Variants in PRKCB observed in about 807,000 individuals in gnomAD.
The protein encoded by PRKCB is protein kinase C beta.
A neutral mutation model predicts 81.5 loss-of-function variants in PRKCB; 13 were observed. The ratio of observed to expected loss-of-function variants is 0.16; its 90% CI spans 0.10 to 0.25. The LOEUF (loss-of-function observed/expected upper bound fraction) is 0.25, where lower values mean the gene tolerates loss of function less well. Among genes scored for constraint, PRKCB ranks in the 10% least tolerant of loss-of-function variants. The probability of loss-of-function intolerance (pLI) is 1.00; values close to 1 mark genes in which losing one functional copy is unlikely to be tolerated. For synonymous variants in PRKCB, 335 were observed against 321.4 expected, an observed-to-expected ratio of 1.04 and a Z score of -0.45; for missense variants, 509 against 875.7, an observed-to-expected ratio of 0.58 and a Z score of 5.29.
chr16:24,084,658 C>T (rs1026403643), intron 5 of PRKCB, among the ~76,000 whole-genome samples: 4 of 151,910 alleles, frequency 2.6e-5, no homozygotes, highest in Admixed American at 6.6e-5. Flanking sequence ...TCCAAAATGC[C>T]CCCAGAAATT....
intron 2 of PRKCB, among the ~76,000 whole-genome samples, chr16:23,882,116 G>A (rs1028472447): frequency 6.1e-5 from 8 of 131,352 alleles, no homozygotes; most frequent in African/African-American, 1.7e-4. Flanking sequence ...CCTGTTTCTC[G>A]CAGGCCAGGC....
Position 24,218,944 on chromosome 16 carries a change from G to C in PRKCB, c.*4128G>C, listed in dbSNP as rs3087957. The C allele has an allele frequency of 0.16, 158,010 of 985,266 alleles. 12,952 individuals carry two copies. The highest frequency in any genetic ancestry group is 0.17 in the Non-Finnish European group (139,563 of 829,940). The allele number at this position is 985,266 out of a possible 1,614,324, so 61.0% of individuals were successfully genotyped here. A position where few individuals can be genotyped will look rare whatever the true frequency, so the allele number is the denominator to read the frequency against. On this transcript the variant is annotated 3_prime_UTR_variant, in exon 17 of 17. Coordinates refer to ENST00000643927, the MANE Select transcript of PRKCB (RefSeq NM_002738.7). ...AATCAGGAACCCACTGAAATCTTGG[G>C]CAAGCCACCCTGCCTGCTTGTGCCT...
At chr16:23,912,042 C>A (rs1052720218) in intron 2 of PRKCB, among the ~76,000 whole-genome samples, 6 of 151,338 alleles carry the variant, frequency 4.0e-5, no homozygotes, top group Non-Finnish European at 8.9e-5. Context: ...ATGTTAGCCA[C>A]GCTAGTCTCG....
chr16:23,855,021 C>T (rs928569122), intron 2 of PRKCB, among the ~76,000 whole-genome samples: 1 of 152,154 alleles, frequency 6.6e-6, no homozygotes, highest in Non-Finnish European at 1.5e-5. Context: ...ATACTACCAC[C>T]ATGACTACTG....
At chr16:23,871,778 A>G (rs1446719309) in intron 2 of PRKCB, among the ~76,000 whole-genome samples, 1 of 149,998 alleles carries the variant, frequency 6.7e-6, no homozygotes, top group Non-Finnish European at 1.5e-5. Flanking sequence ...GGGTTTCATC[A>G]TGTTGGTCTG....
intron 9 of PRKCB, among the ~76,000 whole-genome samples, chr16:24,130,312 G>A (rs1318438574): frequency 6.6e-6 from 1 of 152,140 alleles, no homozygotes; most frequent in Non-Finnish European, 1.5e-5. Context: ...TATGTTCCAT[G>A]GGCACCTGCG....
chr16:23,902,402 G>A (rs1963487494), intron 2 of PRKCB, among the ~76,000 whole-genome samples: 1 of 152,026 alleles, frequency 6.6e-6, no homozygotes, highest in Non-Finnish European at 1.5e-5. Context: ...CAACTGTGAT[G>A]CCTTTGCCCC....
intron 16 of PRKCB, among the ~76,000 whole-genome samples, chr16:24,205,029 A>C (rs1332888481): frequency 1.3e-5 from 2 of 151,820 alleles, no homozygotes; most frequent in African/African-American, 2.4e-5. Flanking sequence ...CTGAGGCAGG[A>C]GAATCGCTTG....
intron 5 of PRKCB, 114 bp downstream of exon 5, chr16:24,035,661 A>C: frequency 1.1e-5 from 10 of 933,412 alleles, no homozygotes; most frequent in South Asian, 3.8e-5. Context: ...CAGTCCAGGG[A>C]CGGGGAGGGG....
intron 2 of PRKCB, among the ~76,000 whole-genome samples, chr16:23,839,631 G>A (rs1275241359): frequency 1.3e-5 from 2 of 151,672 alleles, no homozygotes; most frequent in South Asian, 2.1e-4. Context: ...CCACCAAGAG[G>A]CAGCGTAGAG....
intron 13 of PRKCB, among the ~76,000 whole-genome samples, chr16:24,183,545 C>A (rs891935529): frequency 2.0e-5 from 3 of 152,196 alleles, no homozygotes; most frequent in Admixed American, 6.5e-5. Flanking sequence ...AACAAACATT[C>A]ACTTTATAGC....
At chr16:24,038,086 G>A (rs1965646031) in intron 5 of PRKCB, among the ~76,000 whole-genome samples, 1 of 152,120 alleles carries the variant, frequency 6.6e-6, no homozygotes, top group Admixed American at 6.5e-5. Context: ...GGAGGCTGAG[G>A]CAGGAGGATC....
chr16:24,117,469 A>T (rs991747222), intron 8 of PRKCB, among the ~76,000 whole-genome samples: 18 of 152,198 alleles, frequency 1.2e-4, no homozygotes, highest in Non-Finnish European at 2.1e-4. Flanking sequence ...TGTGCCATTT[A>T]TGATTCTAAG....
intron 10 of PRKCB, among the ~76,000 whole-genome samples, chr16:24,157,638 G>A (rs544829517): frequency 2.6e-4 from 39 of 150,290 alleles, no homozygotes; most frequent in African/African-American, 9.1e-4. Context: ...TAATACACAT[G>A]GGAATGAAGG....
intron 3 of PRKCB, among the ~76,000 whole-genome samples, chr16:24,017,903 T>C (rs963998620): frequency 6.2e-5 from 9 of 146,184 alleles, no homozygotes; most frequent in African/African-American, 2.3e-4. Context: ...TTTTTTTTTT[T>C]TTTTTTTTTT....
rs28535174 is a variant in PRKCB at position 24,114,991 on chromosome 16, A to G, written c.918+1922A>G. 3.5e-3 allele frequency among the ~76,000 whole-genome samples: 527 copies of G among 152,326 alleles called. 5 individuals are homozygous for G. Among genetic ancestry groups the G allele is most frequent in the African/African-American group, 0.012 (489 of 41,578 alleles). Reference sequence around the variant, plus strand: ...AGGAAGGAAACAGCAATGGAAGTTTACCATGTAAAAAGAGGGGAAAATGTA... The same window carrying G: ...AGGAAGGAAACAGCAATGGAAGTTTGCCATGTAAAAAGAGGGGAAAATGTA... On this transcript the variant is annotated intron_variant, in intron 8 of 16. Transcript: ENST00000643927.
At chr16:23,893,037 T>C in intron 2 of PRKCB, 1 of 152,074 alleles carries the variant, frequency 6.6e-6, no homozygotes. Context: ...ATGCTTAATC[T>C]TGAAATACAG....
At chr16:24,130,861 G>A (rs1023420700) in intron 9 of PRKCB, among the ~76,000 whole-genome samples, 1 of 152,182 alleles carries the variant, frequency 6.6e-6, no homozygotes, top group African/African-American at 2.4e-5. Flanking sequence ...CAGTGCAAAG[G>A]AGGCCGGGAG....
At chr16:23,999,091 T>A (rs1181591652) in intron 3 of PRKCB, among the ~76,000 whole-genome samples, 1 of 152,252 alleles carries the variant, frequency 6.6e-6, no homozygotes, top group Non-Finnish European at 1.5e-5. Flanking sequence ...TTCATTGACC[T>A]TTTTCTGCTC....
Sources: gnomAD v4.1 joint callset for allele counts (sites outside exome capture counted in the v4.1 genomes callset) on GRCh38, gnomAD v4.1.1 for gene constraint, MANE v1.5 for transcripts, NCBI Gene and HGNC (gene_info 2026-07-23, HGNC 2026-07-21) for gene names.